The following DGKI variants were observed in gnomAD, a reference collection of about 807,000 sequenced individuals.
DGKI encodes DAG kinase iota.
A neutral mutation model predicts 147.5 loss-of-function variants in DGKI; 55 were observed. The observed-to-expected ratio is 0.37, with a 90% CI of 0.30 to 0.47. The LOEUF (loss-of-function observed/expected upper bound fraction) is 0.47. DGKI is among the 20% of genes least tolerant of loss of function. DGKI has a pLI of 1.00. For synonymous variants in DGKI, 469 were observed against 477.1 expected, an observed-to-expected ratio of 0.98 and a Z score of 0.22; for missense variants, 1,007 against 1,323.8, an observed-to-expected ratio of 0.76 and a Z score of 3.71.
chr7:137,515,861 T>C (rs952253982), intron 21 of DGKI, among the ~76,000 whole-genome samples: 9 of 152,028 alleles, frequency 5.9e-5, no homozygotes, highest in African/African-American at 9.7e-5. Context: ...AAATGATAAA[T>C]ATAAGAGACA....
rs752693077 is a variant in DGKI at position 137,578,303 on chromosome 7, G to A, written c.1665C>T (p.Asn555=). Residue 555 remains asparagine (N), a synonymous_variant, in exon 16 of 33, where the codon AAC becomes AAT. Coordinates refer to ENST00000614521, the MANE Select transcript of DGKI (RefSeq NM_001321708.2). ...ESREANPEKF[N]SRFRNKMFYA... is the part of the protein sequence containing the mutation. ...AGAACATTTTATTTCGAAAACGACT[G>A]TTGAATTTCTCTGGATTTGCTTCTG... 1.5e-5 allele frequency: 24 copies of A among 1,613,322 alleles called. No homozygotes were observed. The Admixed American group carries it at 3.8e-4, about 26-fold the overall frequency.
intron 1 of DGKI, among the ~76,000 whole-genome samples, chr7:137,818,073 A>G (rs1000174832): frequency 4.6e-5 from 7 of 152,226 alleles, no homozygotes; most frequent in African/African-American, 1.7e-4. Context: ...ATTTGGTTAC[A>G]AAGATGAGCT....
intron 5 of DGKI, among the ~76,000 whole-genome samples, chr7:137,649,591 C>T (rs927309098): frequency 1.3e-5 from 2 of 151,972 alleles, no homozygotes; most frequent in African/African-American, 4.8e-5. Flanking sequence ...AATACAATTG[C>T]TTGGCTATTT....
At chr7:137,788,681 C>CACA (rs1796753295) in intron 1 of DGKI, among the ~76,000 whole-genome samples, 1 of 137,450 alleles carries the variant, frequency 7.3e-6, no homozygotes, top group East Asian at 2.0e-4. Flanking sequence ...CACACACACA[C>CACA]CTCCATCCCC....
chr7:137,546,782 ATC>A (rs1817882563), intron 20 of DGKI, among the ~76,000 whole-genome samples: 1 of 152,218 alleles, frequency 6.6e-6, no homozygotes, highest in African/African-American at 2.4e-5. Flanking sequence ...AGTTCCACGG[ATC>A]TCTCTGTTCT....
intron 15 of DGKI, among the ~76,000 whole-genome samples, chr7:137,578,592 C>A (rs1221810489): frequency 3.3e-5 from 5 of 152,112 alleles, no homozygotes; most frequent in Non-Finnish European, 7.4e-5. Context: ...ATGATTAGGC[C>A]CTAGCCAGAT....
intron 16 of DGKI, 84 bp downstream of exon 16, chr7:137,578,186 T>C (rs911238040): frequency 2.2e-6 from 2 of 899,804 alleles, no homozygotes; most frequent in African/African-American, 3.3e-5. Context: ...TGTGATTATT[T>C]CTCATGTAGT....
At chr7:137,550,321 G>A (rs375673531) in intron 20 of DGKI, among the ~76,000 whole-genome samples, 6 of 152,046 alleles carry the variant, frequency 3.9e-5, no homozygotes, top group South Asian at 2.1e-4. Context: ...GATTACAGGC[G>A]CATGCCACCA....
intron 1 of DGKI, among the ~76,000 whole-genome samples, chr7:137,777,934 C>T (rs1796407802): frequency 6.6e-6 from 1 of 152,208 alleles, no homozygotes; most frequent in South Asian, 2.1e-4. Flanking sequence ...ATGCAACCAT[C>T]ATGTGGCTAT....
chr7:137,466,413 T>G (rs1388558430), intron 25 of DGKI, among the ~76,000 whole-genome samples: 1 of 152,232 alleles, frequency 6.6e-6, no homozygotes, highest in Non-Finnish European at 1.5e-5. Context: ...ACTTTATCAT[T>G]AGGTTCAATA....
intron 2 of DGKI, among the ~76,000 whole-genome samples, chr7:137,683,581 T>C (rs1035194158): frequency 1.3e-5 from 2 of 152,168 alleles, no homozygotes; most frequent in African/African-American, 4.8e-5. Context: ...TTTCCCTTTT[T>C]GGTGCCACGT....
chr7:137,637,479 C>A (rs1245605952), intron 6 of DGKI, among the ~76,000 whole-genome samples: 1 of 152,190 alleles, frequency 6.6e-6, no homozygotes, highest in African/African-American at 2.4e-5. Flanking sequence ...CCAGCTGAAA[C>A]TAATAAAGAA....
chr7:137,486,954 T>C (rs1047966619), intron 22 of DGKI, among the ~76,000 whole-genome samples: 6 of 152,110 alleles, frequency 3.9e-5, no homozygotes, highest in African/African-American at 1.4e-4. Context: ...CTTTTTGCAA[T>C]TTGTGGAATG....
intron 19 of DGKI, among the ~76,000 whole-genome samples, chr7:137,564,020 G>T (rs1818502426): frequency 6.6e-6 from 1 of 152,056 alleles, no homozygotes; most frequent in Non-Finnish European, 1.5e-5. Context: ...AGATTCAAGG[G>T]TTACCATACA....
At chr7:137,696,590 C>A (rs994725243) in intron 1 of DGKI, among the ~76,000 whole-genome samples, 3 of 151,886 alleles carry the variant, frequency 2.0e-5, no homozygotes, top group Non-Finnish European at 4.4e-5. Flanking sequence ...CTGGTACGGG[C>A]TTGGCGTGGG....
At chr7:137,547,157 A>T (rs1760150603) in intron 20 of DGKI, among the ~76,000 whole-genome samples, 1 of 152,250 alleles carries the variant, frequency 6.6e-6, no homozygotes, top group African/African-American at 2.4e-5. Context: ...GGTAACTAGC[A>T]TATGAATATG....
At chr7:137,679,990 CA>C (rs768437551) in intron 2 of DGKI, among the ~76,000 whole-genome samples, 4,898 of 53,994 alleles carry the variant, frequency 0.091, 92 homozygotes, top group African/African-American at 0.17. Flanking sequence ...GACTCCATCT[CA>C]AAAAAAAAAA....
At chr7:137,762,521 TG>T (rs1795888827) in intron 1 of DGKI, among the ~76,000 whole-genome samples, 1 of 152,238 alleles carries the variant, frequency 6.6e-6, no homozygotes, top group Admixed American at 6.5e-5. Context: ...TGATGAGCAT[TG>T]CAAATTGGTT....
chr7:137,706,823 C>T (rs1222552718), intron 1 of DGKI, among the ~76,000 whole-genome samples: 7 of 152,182 alleles, frequency 4.6e-5, no homozygotes, highest in East Asian at 1.9e-4. Flanking sequence ...CCACCCACCT[C>T]GGCCTCCCAT....
Sources: gnomAD v4.1 joint callset for allele counts (sites outside exome capture counted in the v4.1 genomes callset) on GRCh38, gnomAD v4.1.1 for gene constraint, MANE v1.5 for transcripts, NCBI Gene and HGNC (gene_info 2026-07-23, HGNC 2026-07-21) for gene names.